Variants in ANO5 observed in about 807,000 individuals in gnomAD.
ANO5 encodes the protein anoctamin-5.
In ANO5, 109 loss-of-function variants were observed where a neutral mutation model predicts 121.0. That is an observed-to-expected ratio of 0.90 (90% CI 0.77 to 1.06). The LOEUF (loss-of-function observed/expected upper bound fraction) is 1.06. Ranked by LOEUF, ANO5 falls within the 50% of genes least tolerant of loss-of-function variation. The pLI, the probability that ANO5 is intolerant of heterozygous loss-of-function variation, is 0.00. For missense variants in ANO5, 1,064 were observed against 1,078.5 expected, an observed-to-expected ratio of 0.99 and a Z score of 0.19; for synonymous variants, 406 against 359.9, an observed-to-expected ratio of 1.13 and a Z score of -1.45.
At position 22,221,084 on chromosome 11, in the gene ANO5, A is replaced by T. The variant is rs1377145713; in HGVS notation, c.181-13A>T. 1.3e-6 allele frequency: 2 copies of T among 1,551,692 alleles called. No individual in the cohort carries two copies. Among genetic ancestry groups the T allele is most frequent in the Non-Finnish European group, 1.8e-6 (2 of 1,124,730 alleles). ...ACTATAATTTACAATTGTGTCATTT[A>T]TGTCTCCTGCAGTTTCAAAAAAATC... On this transcript the variant is annotated splice_polypyrimidine_tract_variant and intron_variant, in intron 4 of 21. Coordinates refer to ENST00000324559, the MANE Select transcript of ANO5 (RefSeq NM_213599.3).
intron 8 of ANO5, among the ~76,000 whole-genome samples, chr11:22,237,214 C>T (rs1853253103): frequency 6.6e-6 from 1 of 152,002 alleles, no homozygotes; most frequent in Admixed American, 6.6e-5. Flanking sequence ...AAATATAGTT[C>T]TCAGTAATAG....
At position 22,262,045 on chromosome 11, in the gene ANO5, C is replaced by A. The variant is rs1854203419; in HGVS notation, c.1631-84C>A. The A allele has an allele frequency of 5.3e-6, 7 of 1,318,650 alleles. No homozygotes were observed. The East Asian group carries it at 1.4e-4, about 26-fold the overall frequency. 81.7% of individuals were successfully genotyped at this position (1,318,650 alleles called of 1,614,324 possible). On this transcript the variant is annotated intron_variant, in intron 15 of 21. Coordinates refer to ENST00000324559, the MANE Select transcript of ANO5 (RefSeq NM_213599.3). Reference sequence around the variant, plus strand: ...TCTATAGGCTCCCAGAATGATGTGACTAGATGTTCACTTGTCCTAGGGAGT... The same window carrying A: ...TCTATAGGCTCCCAGAATGATGTGAATAGATGTTCACTTGTCCTAGGGAGT...
At chr11:22,216,413 C>T (rs1206161365) in intron 3 of ANO5, among the ~76,000 whole-genome samples, 1 of 151,734 alleles carries the variant, frequency 6.6e-6, no homozygotes, top group Non-Finnish European at 1.5e-5. Context: ...GTAGTAGTAT[C>T]TTGTGATTTC....
At chr11:22,250,406 A>G (rs2133702709) in intron 10 of ANO5, 35 bp downstream of exon 10, 2 of 1,610,192 alleles carry the variant, frequency 1.2e-6, no homozygotes, top group Non-Finnish European at 1.7e-6. Flanking sequence ...TAGAGAAAAC[A>G]TCTTTATCTT....
At chr11:22,203,909 G>A in intron 2 of ANO5, 59 bp downstream of exon 2, 2 of 1,147,694 alleles carry the variant, frequency 1.7e-6, no homozygotes, top group Non-Finnish European at 1.3e-6. Flanking sequence ...ATCAAGATAA[G>A]GTTAACTAAG....
chr11:22,230,604 G>A (rs191324425), intron 7 of ANO5, among the ~76,000 whole-genome samples: 3 of 152,020 alleles, frequency 2.0e-5, no homozygotes, highest in East Asian at 1.9e-4. Flanking sequence ...ACGTCTGTGT[G>A]CCTATTGAAA....
chr11:22,247,532 T>G (rs752616295), intron 9 of ANO5, among the ~76,000 whole-genome samples: 7 of 152,114 alleles, frequency 4.6e-5, no homozygotes, highest in Non-Finnish European at 1.0e-4. Flanking sequence ...AAAATATTTT[T>G]ATGACAGAAT....
At chr11:22,274,296 G>T (rs184418057) in intron 19 of ANO5, among the ~76,000 whole-genome samples, 2 of 152,114 alleles carry the variant, frequency 1.3e-5, no homozygotes, top group Admixed American at 1.3e-4. Flanking sequence ...AGAAAGCCTT[G>T]ATGGAAAGAA....
At chr11:22,219,126 C>T (rs1413840213) in intron 4 of ANO5, among the ~76,000 whole-genome samples, 2 of 152,050 alleles carry the variant, frequency 1.3e-5, no homozygotes, top group African/African-American at 4.8e-5. Flanking sequence ...AGTCCTGAGA[C>T]ATGTCTCTCA....
intron 9 of ANO5, among the ~76,000 whole-genome samples, chr11:22,242,258 G>A (rs1430994491): frequency 6.6e-6 from 1 of 152,006 alleles, no homozygotes; most frequent in Non-Finnish European, 1.5e-5. Context: ...TGTCTTACCA[G>A]TACCATGCTG....
chr11:22,243,657 T>A, intron 9 of ANO5, among the ~76,000 whole-genome samples: 1 of 86,940 alleles, frequency 1.2e-5, no homozygotes, highest in South Asian at 4.2e-4. Context: ...GGAGCTTTTG[T>A]GTTTCCAGGA....
intron 4 of ANO5, among the ~76,000 whole-genome samples, 178 bp from the exon 5 acceptor site, chr11:22,220,919 A>T (rs1372334025): frequency 2.6e-5 from 4 of 151,960 alleles, no homozygotes; most frequent in African/African-American, 9.7e-5. Flanking sequence ...CTTCCTCCTG[A>T]GTCATTATTG....
Position 22,226,022 on chromosome 11 carries a change from A to G in ANO5, c.333A>G (p.Thr111=). ...RKEFETNLRK[T]GLELEIEDKR... is the part of the protein sequence containing the mutation. ...AGTTTGAAACTAATCTCAGAAAAAC[A>G]GGTCTTGAGTTGGAAATAGAAGACA... The change falls in exon 6 of 22, where the codon ACA becomes ACG. Residue 111 remains threonine, a synonymous_variant. Coordinates refer to ENST00000324559, the MANE Select transcript of ANO5 (RefSeq NM_213599.3). The G allele has an allele frequency of 6.2e-7, 1 of 1,608,990 alleles. No homozygotes were observed. Among genetic ancestry groups the G allele is most frequent in the South Asian group, 1.1e-5 (1 of 90,968 alleles).
At chr11:22,259,171 A>G (rs930985575) in intron 14 of ANO5, among the ~76,000 whole-genome samples, 7 of 151,684 alleles carry the variant, frequency 4.6e-5, no homozygotes, top group Non-Finnish European at 8.8e-5. Context: ...ACAAAAGAAC[A>G]TTCCTAATTT....
At chr11:22,258,408 T>A (rs549994985) in intron 14 of ANO5, among the ~76,000 whole-genome samples, 2 of 152,324 alleles carry the variant, frequency 1.3e-5, no homozygotes, top group East Asian at 3.9e-4. Context: ...GAATCATTAA[T>A]TCAGGACTCT....
At chr11:22,266,356 A>G (rs1036491120) in intron 17 of ANO5, among the ~76,000 whole-genome samples, 1 of 152,056 alleles carries the variant, frequency 6.6e-6, no homozygotes, top group Non-Finnish European at 1.5e-5. Context: ...TCCTCTTTAC[A>G]TCATTCATTT....
intron 15 of ANO5, chr11:22,261,131 T>C (rs1356221234): frequency 6.6e-6 from 1 of 152,182 alleles, no homozygotes; most frequent in Non-Finnish European, 1.5e-5. Flanking sequence ...TGTTTGGAGA[T>C]GAGCATAAGT....
chr11:22,244,052 A>T (rs557980239), intron 9 of ANO5, among the ~76,000 whole-genome samples: 45 of 152,058 alleles, frequency 3.0e-4, no homozygotes, highest in African/African-American at 1.0e-3. Flanking sequence ...TTGTTCTTTC[A>T]TTCCATGTTT....
At chr11:22,277,747 T>G (rs1418547796) in intron 21 of ANO5, 1 of 151,470 alleles carries the variant, frequency 6.6e-6, no homozygotes, top group Admixed American at 6.6e-5. Flanking sequence ...TTGTTTTAAT[T>G]TATTTATTAT....
Sources: gnomAD v4.1 joint callset for allele counts (sites outside exome capture counted in the v4.1 genomes callset) on GRCh38, gnomAD v4.1.1 for gene constraint, MANE v1.5 for transcripts, NCBI Gene and HGNC (gene_info 2026-07-23, HGNC 2026-07-21) for gene names.